The following LRMDA variants were observed in gnomAD, a reference collection of about 807,000 sequenced individuals.
LRMDA encodes leucine rich melanocyte differentiation associated.
LRMDA carries 18 observed loss-of-function variants against 29.8 expected under a neutral mutation model. That is an observed-to-expected ratio of 0.60 (90% CI 0.42 to 0.90). LRMDA has a LOEUF of 0.90. Ranked by LOEUF, LRMDA falls within the 40% of genes least tolerant of loss-of-function variation. LRMDA has a pLI of 0.00. For missense variants in LRMDA, 273 were observed against 273.9 expected, an observed-to-expected ratio of 1.00 and a Z score of 0.02; for synonymous variants, 125 against 109.4, an observed-to-expected ratio of 1.14 and a Z score of -0.89.
intron 5 of LRMDA, among the ~76,000 whole-genome samples, chr10:76,076,716 G>C (rs1324721742): frequency 6.6e-6 from 1 of 152,096 alleles, no homozygotes; most frequent in East Asian, 1.9e-4. Context: ...CAGGGCTCAG[G>C]AGATGACATG....
chr10:76,492,047 T>C (rs781591549), intron 6 of LRMDA, among the ~76,000 whole-genome samples: 16 of 152,116 alleles, frequency 1.1e-4, no homozygotes, highest in Admixed American at 1.0e-3. Flanking sequence ...TCTTTTAAAG[T>C]ACTTGAATCT....
intron 5 of LRMDA, among the ~76,000 whole-genome samples, chr10:76,276,207 C>A (rs548451589): frequency 1.3e-5 from 2 of 152,068 alleles, no homozygotes; most frequent in African/African-American, 2.4e-5. Flanking sequence ...GTGATGCAAT[C>A]GCGGCTAACT....
intron 5 of LRMDA, among the ~76,000 whole-genome samples, chr10:76,153,897 C>G (rs1404767200): frequency 6.6e-6 from 1 of 152,172 alleles, no homozygotes; most frequent in African/African-American, 2.4e-5. Context: ...GCTCATAGAT[C>G]TTAACTTTTG....
At chr10:75,437,715 G>T (rs1030025049) in intron 1 of LRMDA, among the ~76,000 whole-genome samples, 6 of 152,178 alleles carry the variant, frequency 3.9e-5, no homozygotes. Flanking sequence ...GTAATAAATA[G>T]AAGAATGCCC....
At chr10:75,683,874 C>T (rs1173139324) in intron 2 of LRMDA, among the ~76,000 whole-genome samples, 1 of 152,236 alleles carries the variant, frequency 6.6e-6, no homozygotes, top group African/African-American at 2.4e-5. Context: ...CCATCCCTCA[C>T]CTCACAGAGC....
chr10:75,897,097 C>T (rs1845596532), intron 2 of LRMDA, among the ~76,000 whole-genome samples: 1 of 152,128 alleles, frequency 6.6e-6, no homozygotes, highest in Non-Finnish European at 1.5e-5. Flanking sequence ...TCAACATTAG[C>T]AGACACCCAG....
intron 2 of LRMDA, among the ~76,000 whole-genome samples, chr10:75,854,808 A>G (rs181307525): frequency 7.9e-5 from 12 of 152,060 alleles, no homozygotes; most frequent in African/African-American, 2.7e-4. Context: ...ATGAGCGAGA[A>G]CATGCAGTGT....
At chr10:75,967,227 G>T (rs191564196) in intron 2 of LRMDA, among the ~76,000 whole-genome samples, 3 of 152,100 alleles carry the variant, frequency 2.0e-5, no homozygotes, top group Non-Finnish European at 2.9e-5. Context: ...TAATTCACTT[G>T]GTCTATTGCT....
chr10:76,142,249 G>A (rs1172878489), intron 5 of LRMDA, among the ~76,000 whole-genome samples: 1 of 151,714 alleles, frequency 6.6e-6, no homozygotes, highest in East Asian at 1.9e-4. Context: ...ACTATCAATT[G>A]GTTTATGTGT....
intron 2 of LRMDA, among the ~76,000 whole-genome samples, chr10:75,853,629 A>G (rs749556739): frequency 2.0e-5 from 3 of 152,238 alleles, no homozygotes; most frequent in Non-Finnish European, 2.9e-5. Flanking sequence ...TTAATGATGT[A>G]TAATTGAGCA....
At chr10:75,730,415 G>A (rs1288934573) in intron 2 of LRMDA, among the ~76,000 whole-genome samples, 5 of 152,096 alleles carry the variant, frequency 3.3e-5, no homozygotes, top group East Asian at 3.9e-4. Context: ...GACCCCCGAT[G>A]GTGCACAGAC....
intron 5 of LRMDA, among the ~76,000 whole-genome samples, chr10:76,089,450 C>T (rs1849192809): frequency 6.6e-6 from 1 of 152,190 alleles, no homozygotes; most frequent in Non-Finnish European, 1.5e-5. Context: ...GAAAGTTTAC[C>T]AGTGTCCTGG....
rs570212285 is a variant in LRMDA, at chr10:76,011,595, G to C, written c.132-24413G>C. ...CAGACGAGGGCTGCATGTGAGGATCGTGTGCAAGTCTTAAGTGCTCATGAA... is the reference window on the plus strand; with the variant it reads ...CAGACGAGGGCTGCATGTGAGGATCCTGTGCAAGTCTTAAGTGCTCATGAA... On this transcript the variant is annotated intron_variant, in intron 2 of 6. Transcript: ENST00000611255. 7.9e-5 allele frequency among the ~76,000 whole-genome samples: 12 copies of C among 152,314 alleles called. No homozygotes were observed. In the East Asian group the frequency reaches 2.3e-3, roughly 29 times the overall value.
At chr10:76,034,973 C>T (rs1168308529) in intron 2 of LRMDA, among the ~76,000 whole-genome samples, 2 of 152,206 alleles carry the variant, frequency 1.3e-5, no homozygotes, top group East Asian at 1.9e-4. Context: ...TGTGTGCGCC[C>T]AGGCAAGCAC....
intron 2 of LRMDA, among the ~76,000 whole-genome samples, chr10:75,896,401 T>C (rs947490711): frequency 6.6e-6 from 1 of 152,232 alleles, no homozygotes; most frequent in Non-Finnish European, 1.5e-5. Flanking sequence ...CAGTTGTTTA[T>C]TGATGATCCA....
chr10:75,906,439 A>T (rs1319471169), intron 2 of LRMDA, among the ~76,000 whole-genome samples: 1 of 152,182 alleles, frequency 6.6e-6, no homozygotes, highest in Admixed American at 6.5e-5. Flanking sequence ...CACACAGCCA[A>T]TTAGAGGTCT....
At chr10:75,969,742 T>G (rs115091559) in intron 2 of LRMDA, among the ~76,000 whole-genome samples, 31,760 of 152,102 alleles carry the variant, frequency 0.21, 3,841 homozygotes, top group South Asian at 0.41. Flanking sequence ...TCCCTGGACT[T>G]TTTTTAGGAA....
intron 5 of LRMDA, among the ~76,000 whole-genome samples, chr10:76,264,271 A>T (rs1489430667): frequency 6.6e-6 from 1 of 151,740 alleles, no homozygotes; most frequent in African/African-American, 2.4e-5. Context: ...ATGGTGGTAC[A>T]TGCCTGTAGT....
intron 6 of LRMDA, among the ~76,000 whole-genome samples, chr10:76,466,475 G>A (rs1452542974): frequency 6.6e-6 from 1 of 152,124 alleles, no homozygotes; most frequent in Non-Finnish European, 1.5e-5. Flanking sequence ...TTGAAGGATG[G>A]ATTTTTACTA....
Sources: gnomAD v4.1 joint callset for allele counts (sites outside exome capture counted in the v4.1 genomes callset) on GRCh38, gnomAD v4.1.1 for gene constraint, MANE v1.5 for transcripts, NCBI Gene and HGNC (gene_info 2026-07-23, HGNC 2026-07-21) for gene names.